RASGRP3: variants seen among roughly 807,000 people sequenced by gnomAD.
The protein encoded by RASGRP3 is RAS guanyl releasing protein 3.
A neutral mutation model predicts 82.7 loss-of-function variants in RASGRP3; 54 were observed. The observed-to-expected ratio is 0.65, with a 90% CI of 0.52 to 0.82. The LOEUF is 0.82. Ranked by LOEUF, RASGRP3 falls within the 40% of genes least tolerant of loss-of-function variation. RASGRP3 has a pLI of 0.00. For missense variants in RASGRP3, 861 were observed against 828.9 expected (o/e 1.04, Z -0.48); for synonymous variants, 309 against 300.5 (o/e 1.03, Z -0.29).
chr2:33,542,800 C>T (rs1452958519), intron 12 of RASGRP3, among the ~76,000 whole-genome samples: 1 of 118,792 alleles, frequency 8.4e-6, no homozygotes, highest in Non-Finnish European at 2.1e-5. Flanking sequence ...TCTCGTGCCT[C>T]AGCCCCCTGA....
At chr2:33,445,587 T>G (rs1262114368) in intron 1 of RASGRP3, among the ~76,000 whole-genome samples, 1 of 152,120 alleles carries the variant, frequency 6.6e-6, no homozygotes, top group Non-Finnish European at 1.5e-5. Flanking sequence ...AAATGCCACG[T>G]ATCTACAACG....
intron 1 of RASGRP3, among the ~76,000 whole-genome samples, chr2:33,510,543 C>G (rs1372338235): frequency 6.6e-6 from 1 of 152,178 alleles, no homozygotes; most frequent in Admixed American, 6.5e-5. Context: ...AATATCTTTT[C>G]TCTTCTCTAA....
At chr2:33,544,523 A>C (rs895010385) in intron 13 of RASGRP3, among the ~76,000 whole-genome samples, 1 of 152,144 alleles carries the variant, frequency 6.6e-6, no homozygotes, top group Non-Finnish European at 1.5e-5. Flanking sequence ...ATGATCTGAA[A>C]AAAAAAACTG....
At chr2:33,502,605 C>T (rs970435801) in intron 1 of RASGRP3, among the ~76,000 whole-genome samples, 3 of 151,676 alleles carry the variant, frequency 2.0e-5, no homozygotes, top group Admixed American at 6.6e-5. Context: ...CTCCGCCTCC[C>T]GGGTTCAAGG....
Position 33,562,951 on chromosome 2 carries a change from C to A in RASGRP3, c.*214C>A. 1 of 626,764 alleles carries A rather than the reference C, an allele frequency of 1.6e-6. No individual in the cohort carries two copies. Among genetic ancestry groups the A allele is most frequent in the Non-Finnish European group, 2.8e-6 (1 of 363,184 alleles). The allele number at this position is 626,764 out of a possible 1,614,324, so 38.8% of individuals were successfully genotyped here. A position where few individuals can be genotyped will look rare whatever the true frequency, so the allele number is the denominator to read the frequency against. Reference sequence around the variant, plus strand: ...GAACTATTTATTTCCTCCTCCCCTACCCCTAGTTAAGTGCCACAAAGACTG... The same window carrying A: ...GAACTATTTATTTCCTCCTCCCCTAACCCTAGTTAAGTGCCACAAAGACTG... On this transcript the variant is annotated 3_prime_UTR_variant, in exon 18 of 18. Coordinates refer to ENST00000403687, the MANE Select transcript of RASGRP3 (RefSeq NM_001139488.2).
At chr2:33,556,914 C>CACAT (rs1463382678) in intron 15 of RASGRP3, among the ~76,000 whole-genome samples, 1 of 147,488 alleles carries the variant, frequency 6.8e-6, no homozygotes, top group African/African-American at 2.6e-5. Flanking sequence ...CACACACACA[C>CACAT]ACACACACAC....
At chr2:33,539,412 C>T (rs1258603663) in intron 12 of RASGRP3, 2 of 497,348 alleles carry the variant, frequency 4.0e-6, no homozygotes, top group Admixed American at 3.5e-5. Context: ...TTTGTTGTCT[C>T]TCTTGCCCAG....
At chr2:33,474,671 A>T (rs924851749), upstream of RASGRP3, among the ~76,000 whole-genome samples, 3 of 152,152 alleles carry the variant, frequency 2.0e-5, no homozygotes, top group Non-Finnish European at 2.9e-5. Context: ...TGCTCTGGCC[A>T]TGTGACTCAT....
intron 1 of RASGRP3, among the ~76,000 whole-genome samples, chr2:33,502,972 T>G (rs1004395526): frequency 7.9e-5 from 12 of 152,204 alleles, no homozygotes; most frequent in African/African-American, 2.9e-4. Context: ...TAATCTGGCA[T>G]GGTAGCAAAC....
chr2:33,454,519 T>C (rs1665944613), intron 2 of RASGRP3, among the ~76,000 whole-genome samples: 1 of 152,222 alleles, frequency 6.6e-6, no homozygotes, highest in Non-Finnish European at 1.5e-5. Context: ...GAGTGTATTA[T>C]AAAGATTTTG....
chr2:33,554,224 G>A (rs1388441179), intron 14 of RASGRP3, among the ~76,000 whole-genome samples: 1 of 152,130 alleles, frequency 6.6e-6, no homozygotes, highest in South Asian at 2.1e-4. Flanking sequence ...CTGCCCACAT[G>A]TGGGGGCATT....
rs1352741684 is a variant in RASGRP3, at chr2:33,539,139, G to C, written c.1207G>C (p.Glu403Gln). ...TTPNKPVVPL[E>Q]WALGVMPKPD... is the part of the protein sequence containing the mutation. ...GCCCAACAAGCCTGTGGTACCCCTGGAGTGGGCATTAGGGGTGATGCCAAA... is the reference window on the plus strand; with the variant it reads ...GCCCAACAAGCCTGTGGTACCCCTGCAGTGGGCATTAGGGGTGATGCCAAA... The change falls in exon 12 of 18, where the codon GAG becomes CAG. Residue 403 changes from glutamate (E) to glutamine (Q), a missense_variant. Physicochemically the swap from Glu to Gln is conservative, Grantham distance 29. Coordinates refer to ENST00000403687, the MANE Select transcript of RASGRP3 (RefSeq NM_001139488.2). 1 of 1,612,014 alleles carries C rather than the reference G, an allele frequency of 6.2e-7. No homozygotes were observed. Among genetic ancestry groups the C allele is most frequent in the Non-Finnish European group, 8.5e-7 (1 of 1,179,160 alleles).
intron 2 of RASGRP3, among the ~76,000 whole-genome samples, chr2:33,470,253 A>G (rs929319600): frequency 6.6e-6 from 1 of 152,166 alleles, no homozygotes; most frequent in Non-Finnish European, 1.5e-5. Flanking sequence ...ACTTTCCAAT[A>G]CAGAAATGTA....
chr2:33,545,479 G>A (rs1674644686), intron 13 of RASGRP3, among the ~76,000 whole-genome samples: 1 of 152,182 alleles, frequency 6.6e-6, no homozygotes, highest in Non-Finnish European at 1.5e-5. Context: ...GGTGTATTAC[G>A]CTGTGAGTCC....
At position 33,558,374 on chromosome 2, in the gene RASGRP3, T is replaced by C. The variant is rs770018244; in HGVS notation, c.1705+38T>C. ...GCTTTCTTTGCTGCCATGGTCTCTT[T>C]CTGCTTGCCTCCTCACACTTGGACC... On this transcript the variant is annotated intron_variant, in intron 16 of 17. Coordinates refer to ENST00000403687, the MANE Select transcript of RASGRP3 (RefSeq NM_001139488.2). The C allele has an allele frequency of 1.1e-5, 18 of 1,611,508 alleles. No homozygotes were observed. In the African/African-American group the frequency reaches 1.9e-4, roughly 17 times the overall value.
intron 12 of RASGRP3, among the ~76,000 whole-genome samples, 192 bp from the exon 13 acceptor site, chr2:33,543,320 C>G (rs1169709386): frequency 1.3e-5 from 2 of 152,216 alleles, no homozygotes; most frequent in Admixed American, 1.3e-4. Context: ...CACATCCAAC[C>G]ATTACTCTGT....
At chr2:33,460,026 A>G (rs886776804) in intron 2 of RASGRP3, among the ~76,000 whole-genome samples, 2 of 152,354 alleles carry the variant, frequency 1.3e-5, no homozygotes, top group South Asian at 2.1e-4. Context: ...TGCAATCCCA[A>G]TACTCCCAAT....
chr2:33,524,583 A>C, intron 9 of RASGRP3, 35 bp downstream of exon 9: 1 of 1,459,922 alleles, frequency 6.8e-7, no homozygotes, highest in Non-Finnish European at 9.4e-7. Flanking sequence ...AAAGTAAAAA[A>C]ATGCATTTGT....
chr2:33,471,690 G>C (rs976854984), upstream of RASGRP3, among the ~76,000 whole-genome samples: 6 of 152,122 alleles, frequency 3.9e-5, no homozygotes, highest in African/African-American at 1.2e-4. Flanking sequence ...TCTGAACTAA[G>C]AGCTTTTTTT....
Sources: allele counts gnomAD v4.1 joint callset (sites outside exome capture counted in the v4.1 genomes callset), GRCh38; gene constraint gnomAD v4.1.1; transcripts MANE v1.5; gene names NCBI Gene and HGNC (gene_info 2026-07-23, HGNC 2026-07-21).